The following KCNAB2 variants were observed in gnomAD, a reference collection of about 807,000 sequenced individuals.
KCNAB2 encodes the protein potassium voltage-gated channel subfamily A regulatory beta subunit 2.
A neutral mutation model predicts 63.6 loss-of-function variants in KCNAB2; 29 were observed. The observed-to-expected ratio is 0.46, with a 90% CI of 0.34 to 0.62. KCNAB2 has a LOEUF of 0.62. Among genes scored for constraint, KCNAB2 ranks in the 20% least tolerant of loss-of-function variants. The pLI is 0.01. For synonymous variants in KCNAB2, 222 were observed against 224.2 expected, an observed-to-expected ratio of 0.99 and a Z score of 0.09; for missense variants, 359 against 563.9, an observed-to-expected ratio of 0.64 and a Z score of 3.68.
intron 2 of KCNAB2, among the ~76,000 whole-genome samples, chr1:6,062,515 G>A (rs1320441607): frequency 1.3e-5 from 2 of 152,170 alleles, no homozygotes; most frequent in African/African-American, 4.8e-5. Context: ...AGGCTTTTGG[G>A]CACGTGACAT....
At position 6,100,997 on chromosome 1, in the gene KCNAB2, T is replaced by A. The variant is rs1174663145; in HGVS notation, c.*2423T>A. 1 of 151,624 alleles carries A rather than the reference T, an allele frequency of 6.6e-6. No homozygotes were observed. The highest frequency in any genetic ancestry group is 1.5e-5 in the Non-Finnish European group (1 of 67,998). 9.4% of individuals were successfully genotyped at this position (151,624 alleles called of 1,614,324 possible). A position where few individuals can be genotyped will look rare whatever the true frequency, so the allele number is the denominator to read the frequency against. The stretch of plus-strand genomic sequence containing the variant: ...CCTCCCACCTTCTGTCCTTGTCCAG[T>A]CATGTAAATAATGTGCTTTTTCTCT... On this transcript the variant is annotated 3_prime_UTR_variant, in exon 16 of 16. Transcript: ENST00000378083.
intron 1 of KCNAB2, among the ~76,000 whole-genome samples, chr1:6,038,623 A>C (rs929041156): frequency 6.6e-6 from 1 of 152,144 alleles, no homozygotes; most frequent in East Asian, 1.9e-4. Context: ...AGGTCTACAC[A>C]TGTGCTCACA....
At chr1:6,039,674 A>C (rs1412332279) in intron 1 of KCNAB2, among the ~76,000 whole-genome samples, 1 of 152,084 alleles carries the variant, frequency 6.6e-6, no homozygotes, top group African/African-American at 2.4e-5. Flanking sequence ...TCTTGCCGGG[A>C]CTGGGCTCAC....
intron 1 of KCNAB2, among the ~76,000 whole-genome samples, chr1:5,998,829 A>C (rs937358385): frequency 6.6e-6 from 1 of 152,210 alleles, no homozygotes; most frequent in African/African-American, 2.4e-5. Flanking sequence ...AGAAACACTG[A>C]AAGTCAAAGT....
chr1:6,019,990 T>A (rs956609292), intron 1 of KCNAB2, among the ~76,000 whole-genome samples: 4 of 152,174 alleles, frequency 2.6e-5, no homozygotes, highest in Non-Finnish European at 5.9e-5. Context: ...CATGTTGTCA[T>A]TTCAGTTGTC....
rs1657363611 is a variant in KCNAB2, at chr1:6,003,250, G to A, written c.-53+10462G>A. 6.6e-6 allele frequency among the ~76,000 whole-genome samples: 1 copy of A among 152,202 alleles called. No homozygotes were observed. The highest frequency in any genetic ancestry group is 1.9e-4 in the East Asian group (1 of 5,182). On this transcript the variant is annotated intron_variant, in intron 1 of 16. Coordinates refer to the KCNAB2 transcript ENST00000341524. This position sits in a 1 kb window ranked among gnomAD's most constrained non-coding sequence, Gnocchi z 4.1. ...CTCCAGAGCCTGTGCTACAAGCCCGGGTGGCCGGAGCCTCCTGCGGGATTC... is the reference window on the plus strand; with the variant it reads ...CTCCAGAGCCTGTGCTACAAGCCCGAGTGGCCGGAGCCTCCTGCGGGATTC...
At position 6,024,864 on chromosome 1, in the gene KCNAB2, C is replaced by T. The variant is rs756161736; in HGVS notation, c.-52-15653C>T. On this transcript the variant is annotated intron_variant, in intron 1 of 16. Transcript: ENST00000341524. The surrounding 1 kb of genome is among the most constrained non-coding windows in gnomAD (Gnocchi z 5.4). ...AGCTGGACACACCTAGGCTCTGGTT[C>T]CAGCTTTGCCACTAATTTCACCAAG... 6.6e-6 allele frequency among the ~76,000 whole-genome samples: 1 copy of T among 152,178 alleles called. No homozygotes were observed. The highest frequency in any genetic ancestry group is 1.5e-5 in the Non-Finnish European group (1 of 68,028).
chr1:6,083,594 T>G (rs1271062176), intron 5 of KCNAB2, among the ~76,000 whole-genome samples: 1 of 152,166 alleles, frequency 6.6e-6, no homozygotes, highest in Non-Finnish European at 1.5e-5. Flanking sequence ...TCCCCTGCCC[T>G]CTGCTCCTGG....
intron 1 of KCNAB2, among the ~76,000 whole-genome samples, chr1:6,016,913 G>C (rs1315255199): frequency 2.0e-5 from 3 of 152,226 alleles, no homozygotes; most frequent in Non-Finnish European, 4.4e-5. Context: ...AAGCGGATTT[G>C]TGTGTCACAT....
At chr1:6,041,946 C>A, upstream of KCNAB2, 3 of 1,338,222 alleles carry the variant, frequency 2.2e-6, no homozygotes, top group Non-Finnish European at 2.1e-6. Context: ...TGCACCCTTG[C>A]CGAGCAGGGT....
upstream of KCNAB2, among the ~76,000 whole-genome samples, chr1:6,045,562 G>A (rs768017988): frequency 2.0e-5 from 3 of 152,128 alleles, no homozygotes; most frequent in African/African-American, 4.8e-5. The surrounding 1 kb of genome is among the most constrained non-coding windows in gnomAD (Gnocchi z 4.8). Flanking sequence ...ACCCATCTCG[G>A]GTGTATCCCC....
Position 6,073,096 on chromosome 1 carries a change from T to C in KCNAB2, c.262+298T>C, listed in dbSNP as rs1663355026. ...CCCACACCACAAAATCAGAGGCCCT[T>C]AGGGCCCCGGGAGTGCAACGAAGAC... On this transcript the variant is annotated intron_variant, in intron 3 of 15. Coordinates refer to ENST00000378083, the MANE Select transcript of KCNAB2 (RefSeq NM_001199862.2). This position sits in a 1 kb window ranked among gnomAD's most constrained non-coding sequence, Gnocchi z 5.7. 1.3e-5 allele frequency among the ~76,000 whole-genome samples: 2 copies of C among 152,104 alleles called. No homozygotes were observed. The highest frequency in any genetic ancestry group is 1.3e-4 in the Admixed American group (2 of 15,282).
chr1:6,088,685 A>T (rs1484617065), intron 7 of KCNAB2, among the ~76,000 whole-genome samples: 1 of 143,686 alleles, frequency 7.0e-6, no homozygotes, highest in Non-Finnish European at 1.5e-5. Context: ...GCCCAGCCTG[A>T]TGTGTTCTTA....
At chr1:6,098,441 G>A (rs747914024) in intron 15 of KCNAB2, 44 bp from the exon 16 acceptor site, 25 of 1,610,514 alleles carry the variant, frequency 1.6e-5, no homozygotes, top group East Asian at 2.2e-5. Flanking sequence ...GGCCAGGCCC[G>A]TCTTGTTGGT....
At chr1:6,005,504 G>C (rs1277799698) in intron 1 of KCNAB2, among the ~76,000 whole-genome samples, 4 of 151,876 alleles carry the variant, frequency 2.6e-5, no homozygotes, top group Non-Finnish European at 5.9e-5. Context: ...GAGCACACCT[G>C]GTAGGAAGCC....
chr1:6,074,199 T>G lies in KCNAB2; in HGVS notation c.300+429T>G, dbSNP rs1429692780. ...CATTGGGAATGCAGCCCCTGCAGTG[T>G]CACAAGCTGAAGAACCTGAGATCTG... On this transcript the variant is annotated intron_variant, in intron 4 of 15. Coordinates refer to ENST00000378083, the MANE Select transcript of KCNAB2 (RefSeq NM_001199862.2). The surrounding 1 kb of genome is among the most constrained non-coding windows in gnomAD (Gnocchi z 4.9). Among the ~76,000 whole-genome samples, 2 of 152,224 alleles carry G rather than the reference T, an allele frequency of 1.3e-5. No individual in the cohort carries two copies. The highest frequency in any genetic ancestry group is 2.9e-5 in the Non-Finnish European group (2 of 68,036).
chr1:6,039,199 A>G (rs1027471431), intron 1 of KCNAB2, among the ~76,000 whole-genome samples: 3 of 152,196 alleles, frequency 2.0e-5, no homozygotes, highest in African/African-American at 7.2e-5. Flanking sequence ...AAGCGCAAGC[A>G]TCCGCAGACA....
chr1:6,096,421 A>G lies in KCNAB2; in HGVS notation c.949-215A>G. The G allele has an allele frequency of 4.8e-6, 3 of 620,854 alleles. No individual in the cohort carries two copies. The highest frequency in any genetic ancestry group is 8.4e-6 in the Non-Finnish European group (3 of 356,294). 38.5% of individuals were successfully genotyped at this position (620,854 alleles called of 1,614,324 possible). Reference sequence around the variant, plus strand: ...AGTCTTTGCACTTCAGAGCCTGGACAGGCCCCGCTCATCCACCAGCCCGTG... The same window carrying G: ...AGTCTTTGCACTTCAGAGCCTGGACGGGCCCCGCTCATCCACCAGCCCGTG... On this transcript the variant is annotated intron_variant, in intron 13 of 15. Transcript: ENST00000378083. The surrounding 1 kb of genome is among the most constrained non-coding windows in gnomAD (Gnocchi z 5.9).
intron 2 of KCNAB2, among the ~76,000 whole-genome samples, chr1:6,052,261 C>T (rs767307516): frequency 1.3e-4 from 19 of 151,968 alleles, no homozygotes; most frequent in Non-Finnish European, 2.4e-4. Context: ...ATCTCTACCC[C>T]AAAATACAAA....
Sources: allele counts gnomAD v4.1 joint callset (sites outside exome capture counted in the v4.1 genomes callset), GRCh38; gene constraint gnomAD v4.1.1; non-coding constraint Gnocchi (gnomAD v3.1); transcripts MANE v1.5; gene names NCBI Gene and HGNC (gene_info 2026-07-23, HGNC 2026-07-21).